Variants in INPP4B observed in about 807,000 individuals in gnomAD.
INPP4B encodes inositol polyphosphate-4-phosphatase type II B.
A neutral mutation model predicts 122.5 loss-of-function variants in INPP4B; 55 were observed. The ratio of observed to expected loss-of-function variants is 0.45; its 90% CI spans 0.36 to 0.56. INPP4B has a LOEUF of 0.56. Among genes scored for constraint, INPP4B ranks in the 20% least tolerant of loss-of-function variants. The pLI is 0.00. For missense variants in INPP4B, 1,000 were observed against 1,097.7 expected (o/e 0.91, Z 1.26); for synonymous variants, 403 against 388.7 (o/e 1.04, Z -0.43).
At chr4:142,739,350 C>T (rs1193957401) in intron 1 of INPP4B, among the ~76,000 whole-genome samples, 1 of 151,836 alleles carries the variant, frequency 6.6e-6, no homozygotes, top group Non-Finnish European at 1.5e-5. Flanking sequence ...TATTAATTTA[C>T]TTGAGCATAT....
intron 7 of INPP4B, among the ~76,000 whole-genome samples, chr4:142,382,650 T>C (rs944005407): frequency 6.9e-6 from 1 of 145,338 alleles, no homozygotes; most frequent in African/African-American, 2.5e-5. Flanking sequence ...TTATATATTA[T>C]ATATATTTAT....
At chr4:142,815,956 T>G (rs1780068617) in intron 1 of INPP4B, among the ~76,000 whole-genome samples, 1 of 152,170 alleles carries the variant, frequency 6.6e-6, no homozygotes, top group Non-Finnish European at 1.5e-5. Context: ...GTCCACTTAC[T>G]GTGTAAAGAA....
At chr4:142,681,193 A>C (rs977555223) in intron 2 of INPP4B, among the ~76,000 whole-genome samples, 2 of 151,810 alleles carry the variant, frequency 1.3e-5, no homozygotes, top group Non-Finnish European at 2.9e-5. Context: ...CTGTAATTGC[A>C]TGGCCCTTTA....
intron 2 of INPP4B, among the ~76,000 whole-genome samples, chr4:142,555,870 C>A (rs369884965): frequency 8.0e-4 from 101 of 125,550 alleles, no homozygotes; most frequent in Admixed American, 8.5e-4. Flanking sequence ...GACTCTGTCT[C>A]AAAAAAAAAA....
At chr4:142,518,720 T>A (rs1825720579) in intron 2 of INPP4B, 1 of 152,136 alleles carries the variant, frequency 6.6e-6, no homozygotes, top group African/African-American at 2.4e-5. Context: ...TGTTGCAATG[T>A]AAAAAAGACA....
intron 9 of INPP4B, among the ~76,000 whole-genome samples, chr4:142,298,982 C>T (rs1370184280): frequency 1.3e-5 from 2 of 152,030 alleles, no homozygotes; most frequent in Non-Finnish European, 2.9e-5. Flanking sequence ...TTACCTCTCC[C>T]TACATGTTTA....
chr4:142,181,778 G>A (rs558525103), intron 15 of INPP4B, among the ~76,000 whole-genome samples: 4 of 151,972 alleles, frequency 2.6e-5, no homozygotes, highest in African/African-American at 9.7e-5. Context: ...TATTTGAGAG[G>A]GCTGCAGATA....
At chr4:142,614,928 T>G (rs1743374227) in intron 2 of INPP4B, among the ~76,000 whole-genome samples, 1 of 152,158 alleles carries the variant, frequency 6.6e-6, no homozygotes, top group Non-Finnish European at 1.5e-5. Flanking sequence ...AAGGAATGCT[T>G]ATAGACTATT....
At chr4:142,531,394 T>C (rs1827594577) in intron 2 of INPP4B, among the ~76,000 whole-genome samples, 1 of 152,150 alleles carries the variant, frequency 6.6e-6, no homozygotes. Flanking sequence ...GGAAAATTAA[T>C]TCTGTGATTT....
intron 2 of INPP4B, among the ~76,000 whole-genome samples, chr4:142,725,399 T>G (rs1375246846): frequency 1.3e-5 from 2 of 152,124 alleles, no homozygotes; most frequent in Non-Finnish European, 2.9e-5. Flanking sequence ...TTGAAATTTT[T>G]TTTGTATATT....
intron 16 of INPP4B, among the ~76,000 whole-genome samples, chr4:142,171,448 TACA>T (rs1825602027): frequency 6.6e-6 from 1 of 151,876 alleles, no homozygotes; most frequent in African/African-American, 2.4e-5. Context: ...ATCCATAGTA[TACA>T]ACAAGCCCAA....
chr4:142,487,661 T>G (rs373441566), intron 2 of INPP4B, among the ~76,000 whole-genome samples: 1 of 152,164 alleles, frequency 6.6e-6, no homozygotes, highest in Non-Finnish European at 1.5e-5. Context: ...ACATGTTTAT[T>G]AATTTCCCAG....
At chr4:142,118,409 G>A (rs1273100652) in intron 21 of INPP4B, among the ~76,000 whole-genome samples, 1 of 152,128 alleles carries the variant, frequency 6.6e-6, no homozygotes, top group African/African-American at 2.4e-5. Flanking sequence ...CAAGGCTACA[G>A]TAACCAAAAC....
At chr4:142,257,318 C>T (rs1736786601) in intron 11 of INPP4B, among the ~76,000 whole-genome samples, 1 of 152,144 alleles carries the variant, frequency 6.6e-6, no homozygotes. Context: ...CCTCTCTCAC[C>T]ACTCCTATTC....
intron 25 of INPP4B, among the ~76,000 whole-genome samples, chr4:142,067,967 G>C (rs1055650675): frequency 6.6e-6 from 1 of 152,010 alleles, no homozygotes; most frequent in Admixed American, 6.6e-5. Flanking sequence ...TTCAAATTCA[G>C]GAAATACAGA....
intron 18 of INPP4B, among the ~76,000 whole-genome samples, chr4:142,136,096 G>T (rs907848998): frequency 6.6e-6 from 1 of 152,234 alleles, no homozygotes; most frequent in Non-Finnish European, 1.5e-5. Flanking sequence ...CGTGCCCGGA[G>T]GGTGCTTTTT....
intron 1 of INPP4B, among the ~76,000 whole-genome samples, chr4:142,831,661 C>T (rs952546566): frequency 3.9e-5 from 6 of 152,134 alleles, no homozygotes; most frequent in Admixed American, 1.3e-4. Context: ...TTTCAAAAAG[C>T]ATTTTTTCCT....
chr4:142,830,850 C>CAAAA (rs70949194), intron 1 of INPP4B, among the ~76,000 whole-genome samples: 33 of 91,418 alleles, frequency 3.6e-4, no homozygotes, highest in African/African-American at 6.3e-4. Flanking sequence ...GCTGTCTCTA[C>CAAAA]AAAAAAAAAA....
chr4:142,819,748 T>C (rs921605484), intron 1 of INPP4B, among the ~76,000 whole-genome samples: 3 of 152,040 alleles, frequency 2.0e-5, no homozygotes, highest in Non-Finnish European at 4.4e-5. Context: ...CCAGTGCCAA[T>C]AGGGGGCCAC....
Sources: allele counts gnomAD v4.1 joint callset (sites outside exome capture counted in the v4.1 genomes callset), GRCh38; gene constraint gnomAD v4.1.1; transcripts MANE v1.5; gene names NCBI Gene and HGNC (gene_info 2026-07-23, HGNC 2026-07-21).